GRM7: variants seen among roughly 807,000 people sequenced by gnomAD.
GRM7 encodes the protein glutamate metabotropic receptor 7, also known as metabotropic glutamate receptor 7.
Under a neutral mutation model 84.5 loss-of-function variants are expected in GRM7, and 35 were observed. The ratio of observed to expected loss-of-function variants is 0.41; its 90% CI spans 0.32 to 0.55. GRM7 has a LOEUF of 0.55. Among genes scored for constraint, GRM7 ranks in the 20% least tolerant of loss-of-function variants. GRM7 has a pLI of 0.19. For synonymous variants in GRM7, 487 were observed against 455.1 expected (o/e 1.07, Z -0.89); for missense variants, 1,003 against 1,194.6 (o/e 0.84, Z 2.36).
chr3:6,983,788 A>G (rs1355691864), intron 1 of GRM7, among the ~76,000 whole-genome samples: 1 of 149,734 alleles, frequency 6.7e-6, no homozygotes, highest in Non-Finnish European at 1.5e-5. Flanking sequence ...CCAACCTCAG[A>G]TGACCTTTTG....
intron 4 of GRM7, among the ~76,000 whole-genome samples, chr3:7,344,893 A>G (rs1692820336): frequency 6.6e-6 from 1 of 152,106 alleles, no homozygotes; most frequent in Non-Finnish European, 1.5e-5. Flanking sequence ...TTCATTGTAT[A>G]TTTTCAAAAA....
chr3:7,688,265 G>A (rs1461882204), intron 9 of GRM7, among the ~76,000 whole-genome samples: 1 of 151,862 alleles, frequency 6.6e-6, no homozygotes, highest in Non-Finnish European at 1.5e-5. Context: ...ATTCAAACTT[G>A]TAGCTAGAAT....
At chr3:7,400,459 C>G (rs1695402940) in intron 4 of GRM7, among the ~76,000 whole-genome samples, 2 of 152,136 alleles carry the variant, frequency 1.3e-5, no homozygotes, top group South Asian at 2.1e-4. Context: ...CAATCTGGCT[C>G]CATTATACCT....
chr3:7,653,847 T>G (rs1045359301), intron 8 of GRM7, among the ~76,000 whole-genome samples: 1 of 152,152 alleles, frequency 6.6e-6, no homozygotes, highest in Non-Finnish European at 1.5e-5. Context: ...GTAGGTAAAG[T>G]TACACCCATT....
intron 2 of GRM7, among the ~76,000 whole-genome samples, chr3:7,172,159 A>G (rs1014266543): frequency 2.0e-5 from 3 of 152,106 alleles, no homozygotes; most frequent in African/African-American, 7.2e-5. Context: ...CACCCAAAGG[A>G]TTTGCCAAAA....
intron 7 of GRM7, among the ~76,000 whole-genome samples, chr3:7,564,420 C>G (rs1054161391): frequency 6.6e-6 from 1 of 152,064 alleles, no homozygotes; most frequent in Admixed American, 6.6e-5. Flanking sequence ...TTCCAATGCT[C>G]ATGTTATTAT....
At chr3:7,294,668 C>A (rs1439245815) in intron 2 of GRM7, among the ~76,000 whole-genome samples, 3 of 152,052 alleles carry the variant, frequency 2.0e-5, no homozygotes, top group Non-Finnish European at 4.4e-5. Context: ...GAATATGCCT[C>A]AAAATCTGAC....
At chr3:7,536,970 T>C (rs993553157) in intron 7 of GRM7, among the ~76,000 whole-genome samples, 4 of 152,222 alleles carry the variant, frequency 2.6e-5, no homozygotes, top group Non-Finnish European at 4.4e-5. Context: ...GTGTTAACTT[T>C]CCAACATTTC....
At chr3:7,567,547 A>G (rs1270559046) in intron 7 of GRM7, among the ~76,000 whole-genome samples, 2 of 152,072 alleles carry the variant, frequency 1.3e-5, no homozygotes, top group Admixed American at 6.5e-5. Context: ...CAGGAGTTTG[A>G]GACCAGCCTG....
chr3:7,342,301 A>G (rs1165109175), intron 4 of GRM7, among the ~76,000 whole-genome samples: 1 of 152,148 alleles, frequency 6.6e-6, no homozygotes, highest in East Asian at 1.9e-4. Flanking sequence ...TCCAGACATC[A>G]AAACTTGTCA....
intron 7 of GRM7, among the ~76,000 whole-genome samples, chr3:7,505,534 G>A (rs1203335215): frequency 1.3e-5 from 2 of 152,216 alleles, no homozygotes; most frequent in Non-Finnish European, 2.9e-5. Context: ...CTAGACTTTT[G>A]TGATATCCTT....
At chr3:7,475,786 T>C (rs915482777) in intron 7 of GRM7, among the ~76,000 whole-genome samples, 3 of 152,218 alleles carry the variant, frequency 2.0e-5, no homozygotes, top group African/African-American at 7.2e-5. Flanking sequence ...ATATCCGGTA[T>C]TGTGGGCATT....
chr3:7,038,385 ACTTG>A (rs1559399557), intron 1 of GRM7, among the ~76,000 whole-genome samples: 1 of 152,162 alleles, frequency 6.6e-6, no homozygotes, highest in Non-Finnish European at 1.5e-5. Flanking sequence ...CTATCTGCAG[ACTTG>A]CTTGATTCCG....
intron 2 of GRM7, among the ~76,000 whole-genome samples, chr3:7,165,030 G>A (rs1243278238): frequency 2.0e-5 from 3 of 152,236 alleles, no homozygotes; most frequent in Admixed American, 2.0e-4. Context: ...ATTTCACCAT[G>A]AAGAGAGAAG....
At chr3:7,711,848 G>A (rs1209766075) in intron 9 of GRM7, among the ~76,000 whole-genome samples, 1 of 152,226 alleles carries the variant, frequency 6.6e-6, no homozygotes, top group African/African-American at 2.4e-5. Context: ...TCCCAAAACA[G>A]TGAGCACAAA....
chr3:7,690,453 T>C (rs1700757154), intron 9 of GRM7, among the ~76,000 whole-genome samples: 1 of 152,182 alleles, frequency 6.6e-6, no homozygotes, highest in Non-Finnish European at 1.5e-5. Flanking sequence ...GGTGAAATTA[T>C]ATTCTTCCAG....
chr3:6,916,477 A>G (rs566960053), intron 1 of GRM7, among the ~76,000 whole-genome samples: 3 of 152,282 alleles, frequency 2.0e-5, no homozygotes, highest in East Asian at 1.9e-4. Context: ...ACCTTTGACT[A>G]AGTAATTTAT....
rs1287586476 is a variant in GRM7 at position 6,928,092 on chromosome 3, C to T, written c.519+66185C>T. Among the ~76,000 whole-genome samples, 9 of 151,750 alleles carry T rather than the reference C, an allele frequency of 5.9e-5. No individual in the cohort carries two copies. Among genetic ancestry groups the T allele is most frequent in the Non-Finnish European group, 8.8e-5 (6 of 67,954 alleles). ...AGTTATATCCCTTTTATCTGTTTTG[C>T]TCCTTTTTTTTTTTTCTACACTGCT... On this transcript the variant is annotated intron_variant, in intron 1 of 9. Coordinates refer to ENST00000357716, the MANE Select transcript of GRM7 (RefSeq NM_000844.4). The surrounding 1 kb of genome is among the most constrained non-coding windows in gnomAD (Gnocchi z 4.5).
intron 7 of GRM7, among the ~76,000 whole-genome samples, chr3:7,540,712 T>C (rs1402008534): frequency 6.6e-6 from 1 of 152,232 alleles, no homozygotes; most frequent in South Asian, 2.1e-4. Flanking sequence ...GCAGATTTGA[T>C]GTATGTGATT....
Sources: allele counts gnomAD v4.1 joint callset (sites outside exome capture counted in the v4.1 genomes callset), GRCh38; gene constraint gnomAD v4.1.1; non-coding constraint Gnocchi (gnomAD v3.1); transcripts MANE v1.5; gene names NCBI Gene and HGNC (gene_info 2026-07-23, HGNC 2026-07-21).